ATP9B: variants seen among roughly 807,000 people sequenced by gnomAD.
The protein encoded by ATP9B is ATPase phospholipid transporting 9B.
ATP9B carries 110 observed loss-of-function variants against 146.1 expected under a neutral mutation model. The ratio of observed to expected loss-of-function variants is 0.75; its 90% CI spans 0.65 to 0.88. ATP9B has a LOEUF of 0.88. Ranked by LOEUF, ATP9B falls within the 40% of genes least tolerant of loss-of-function variation. The probability of loss-of-function intolerance (pLI) is 0.00; values close to 1 mark genes in which losing one functional copy is unlikely to be tolerated. For synonymous variants in ATP9B, 604 were observed against 569.7 expected (o/e 1.06, Z -0.86); for missense variants, 1,499 against 1,496.4 (o/e 1.00, Z -0.03).
intron 12 of ATP9B, among the ~76,000 whole-genome samples, chr18:79,269,484 C>T (rs1190063111): frequency 6.6e-6 from 1 of 152,108 alleles, no homozygotes; most frequent in Non-Finnish European, 1.5e-5. Context: ...GCCTATTCCA[C>T]ACAAACATTT....
intron 6 of ATP9B, among the ~76,000 whole-genome samples, chr18:79,147,236 G>C (rs1416115295): frequency 1.4e-5 from 2 of 144,150 alleles, no homozygotes; most frequent in Admixed American, 1.4e-4. Context: ...AAAAAAGTAG[G>C]CAAGTCCAGT....
intron 11 of ATP9B, among the ~76,000 whole-genome samples, chr18:79,223,230 A>C (rs2095697840): frequency 6.6e-6 from 1 of 152,224 alleles, no homozygotes; most frequent in African/African-American, 2.4e-5. Flanking sequence ...GCAACTTGAA[A>C]TATCAAAGCA....
intron 11 of ATP9B, among the ~76,000 whole-genome samples, chr18:79,219,233 G>A (rs528332724): frequency 2.0e-5 from 3 of 152,258 alleles, no homozygotes; most frequent in Admixed American, 2.0e-4. Context: ...CTCTTCCAAG[G>A]GTTTGGGGGA....
intron 2 of ATP9B, among the ~76,000 whole-genome samples, chr18:79,100,249 T>C (rs2075161404): frequency 6.6e-6 from 1 of 152,250 alleles, no homozygotes; most frequent in Non-Finnish European, 1.5e-5. Context: ...TTTCAGTTGT[T>C]AAGTGCACTG....
intron 15 of ATP9B, among the ~76,000 whole-genome samples, chr18:79,327,327 GC>G (rs1040509832): frequency 2.6e-5 from 4 of 152,230 alleles, no homozygotes; most frequent in African/African-American, 7.2e-5. Context: ...AGGGGCTTCA[GC>G]ACTGTGGGTG....
chr18:79,275,365 C>G (rs1423381673), intron 12 of ATP9B, among the ~76,000 whole-genome samples: 3 of 152,214 alleles, frequency 2.0e-5, no homozygotes, highest in African/African-American at 7.2e-5. Context: ...GAATCTTTCT[C>G]CAAAGCCCAA....
intron 2 of ATP9B, among the ~76,000 whole-genome samples, chr18:79,100,462 A>G (rs932973579): frequency 2.0e-5 from 3 of 152,070 alleles, no homozygotes; most frequent in South Asian, 2.1e-4. Context: ...TTGACCTTTT[A>G]TTGTCTTTAA....
chr18:79,198,556 A>G (rs1453967464), intron 9 of ATP9B, among the ~76,000 whole-genome samples: 1 of 150,148 alleles, frequency 6.7e-6, no homozygotes, highest in East Asian at 1.9e-4. Context: ...GTGCACTTAC[A>G]CAAACCTAGA....
intron 2 of ATP9B, among the ~76,000 whole-genome samples, chr18:79,107,506 C>T (rs1262249757): frequency 6.6e-6 from 1 of 152,040 alleles, no homozygotes; most frequent in African/African-American, 2.4e-5. Context: ...AAGACCGAGG[C>T]CTCGGGGGCT....
chr18:79,141,039 T>G (rs2094507669), intron 5 of ATP9B, among the ~76,000 whole-genome samples: 1 of 152,208 alleles, frequency 6.6e-6, no homozygotes, highest in Admixed American at 6.5e-5. Flanking sequence ...GCGATACCGT[T>G]TGGCTGTGTC....
At chr18:79,199,516 A>G (rs28576463) in intron 9 of ATP9B, among the ~76,000 whole-genome samples, 24 of 151,506 alleles carry the variant, frequency 1.6e-4, no homozygotes, top group African/African-American at 5.8e-4. Flanking sequence ...AATCCCAGCA[A>G]TTTGGGAGGC....
intron 10 of ATP9B, among the ~76,000 whole-genome samples, chr18:79,208,800 AAG>A (rs1378146788): frequency 6.6e-6 from 1 of 151,720 alleles, no homozygotes; most frequent in Non-Finnish European, 1.5e-5. Context: ...CATACAAAGA[AAG>A]AGAACAAGAC....
chr18:79,310,163 C>T (rs916006211), intron 15 of ATP9B, among the ~76,000 whole-genome samples: 2 of 152,112 alleles, frequency 1.3e-5, no homozygotes, highest in Non-Finnish European at 2.9e-5. Flanking sequence ...CATCTTGCAG[C>T]AGAGACTCAA....
chr18:79,181,583 C>T (rs1196245138), intron 8 of ATP9B, among the ~76,000 whole-genome samples: 3 of 151,950 alleles, frequency 2.0e-5, no homozygotes, highest in Non-Finnish European at 4.4e-5. Flanking sequence ...TGCTCTCTTA[C>T]TCTTCTTTTT....
At position 79,330,034 on chromosome 18, in the gene ATP9B, C is replaced by T. The variant is rs1468626872; in HGVS notation, c.1958C>T (p.Thr653Ile). ...IVRDESTAEITFYMKGADVAM... is the reference protein window; with the variant it reads ...IVRDESTAEIIFYMKGADVAM... ...TAGGATGAATCCACGGCAGAAATCACATTCTACATGAAGGGCGCTGACGTG... is the reference window on the plus strand; with the variant it reads ...TAGGATGAATCCACGGCAGAAATCATATTCTACATGAAGGGCGCTGACGTG... Residue 653 changes from threonine (T) to isoleucine (I), a missense_variant, in exon 17 of 30, where the codon ACA becomes ATA. Physicochemically the swap from Thr to Ile is moderately conservative, Grantham distance 89. Transcript: ENST00000426216. 2 of 1,613,996 alleles carry T rather than the reference C, an allele frequency of 1.2e-6. No individual in the cohort carries two copies. The highest frequency in any genetic ancestry group is 1.7e-5 in the Admixed American group (1 of 59,998).
intron 15 of ATP9B, among the ~76,000 whole-genome samples, chr18:79,327,867 G>GCT (rs2096766181): frequency 9.0e-6 from 1 of 110,894 alleles, no homozygotes. Flanking sequence ...TGGTTAGCGT[G>GCT]CTCTCCATGG....
At chr18:79,353,465 T>C (rs2096933079) in intron 25 of ATP9B, 2 of 152,124 alleles carry the variant, frequency 1.3e-5, no homozygotes, top group Non-Finnish European at 2.9e-5. Context: ...ATTGTGTCCA[T>C]AGTGTGAGAC....
chr18:79,327,733 GT>G (rs2096763318), intron 15 of ATP9B, among the ~76,000 whole-genome samples: 1 of 127,772 alleles, frequency 7.8e-6, no homozygotes, highest in Non-Finnish European at 1.6e-5. Flanking sequence ...GCTCGCCGTG[GT>G]TAGCGTGCTC....
At chr18:79,366,714 C>G (rs1159528165) in intron 26 of ATP9B, among the ~76,000 whole-genome samples, 1 of 152,234 alleles carries the variant, frequency 6.6e-6, no homozygotes, top group Non-Finnish European at 1.5e-5. Context: ...CGGTAGTGAG[C>G]AAGCTCAGTG....
Sources: allele counts gnomAD v4.1 joint callset (sites outside exome capture counted in the v4.1 genomes callset), GRCh38; gene constraint gnomAD v4.1.1; transcripts MANE v1.5; gene names NCBI Gene and HGNC (gene_info 2026-07-23, HGNC 2026-07-21).